The following WDR33 variants were observed in gnomAD, a reference collection of about 807,000 sequenced individuals.
WDR33 encodes WD repeat domain 33.
Under a neutral mutation model 164.9 loss-of-function variants are expected in WDR33, and 47 were observed. The observed-to-expected ratio is 0.29, with a 90% CI of 0.23 to 0.36. The LOEUF (loss-of-function observed/expected upper bound fraction) is 0.36. Among genes scored for constraint, WDR33 ranks in the 10% least tolerant of loss-of-function variants. The probability of loss-of-function intolerance (pLI) is 1.00; values close to 1 mark genes in which losing one functional copy is unlikely to be tolerated. For missense variants in WDR33, 1,137 were observed against 1,754.1 expected, an observed-to-expected ratio of 0.65 and a Z score of 6.28; for synonymous variants, 505 against 589.0, an observed-to-expected ratio of 0.86 and a Z score of 2.06.
chr2:127,808,535 T>G (rs1028567095), intron 1 of WDR33, among the ~76,000 whole-genome samples: 1 of 152,214 alleles, frequency 6.6e-6, no homozygotes, highest in South Asian at 2.1e-4. Flanking sequence ...TCCAATACAC[T>G]GAAGAGCTTC....
chr2:127,739,519 TTG>T (rs557232533), intron 7 of WDR33, among the ~76,000 whole-genome samples: 110 of 152,344 alleles, frequency 7.2e-4, no homozygotes, highest in African/African-American at 2.5e-3. Flanking sequence ...AGTAAACTGG[TTG>T]TGTTTAAATC....
rs556407835 is a variant in WDR33, at chr2:127,710,830, A to G, written c.3309-974T>C. ...GCCTTTATCCTAATCTTCTACTTGG[A>G]AGATTTTCAAACTTACAGTAAAGCT... is the stretch of plus-strand genomic sequence containing the variant. On this transcript the variant is annotated intron_variant, in intron 18 of 21. Coordinates refer to ENST00000322313, the MANE Select transcript of WDR33 (RefSeq NM_018383.5). The surrounding 1 kb of genome is among the most constrained non-coding windows in gnomAD (Gnocchi z 4.4). Among the ~76,000 whole-genome samples the G allele has an allele frequency of 1.3e-5, 2 of 152,310 alleles. No individual in the cohort carries two copies. Among genetic ancestry groups the G allele is most frequent in the Non-Finnish European group, 2.9e-5 (2 of 68,018 alleles).
intron 1 of WDR33, among the ~76,000 whole-genome samples, chr2:127,771,655 G>A (rs1002978903): frequency 1.1e-4 from 17 of 152,140 alleles, no homozygotes; most frequent in African/African-American, 3.6e-4. Context: ...GCATGCACCT[G>A]TAGTCCTAGC....
intron 1 of WDR33, among the ~76,000 whole-genome samples, chr2:127,800,402 C>T (rs13391149): frequency 6.6e-6 from 1 of 151,928 alleles, no homozygotes; most frequent in Admixed American, 6.6e-5. Context: ...TGGGAGGCCG[C>T]GGCAGGCGGA....
At position 127,706,408 on chromosome 2, in the gene WDR33, C is replaced by A; in HGVS notation, c.3926G>T (p.Ser1309Ile). The A allele has an allele frequency of 6.2e-7, 1 of 1,613,830 alleles. No homozygotes were observed. The highest frequency in any genetic ancestry group is 1.7e-5 in the Admixed American group (1 of 59,976). ...ACTCCCTCTACCCCAGTTACTGCCA[C>A]TCCGGCCCCCTCGAGAAGGGGTGCC... ...GSGTPSRGGR[S>I]GSNWGRGSNM... The change falls in exon 22 of 22, where the codon AGT (serine) becomes ATT (isoleucine). Residue 1309 changes from serine to isoleucine, a missense_variant. Around this residue, in one of 9 missense-constraint regions of WDR33, gnomAD observed 867 missense variants for 1,073.0 expected, o/e 0.81. Transcript: ENST00000322313. The surrounding 1 kb of genome is among the most constrained non-coding windows in gnomAD (Gnocchi z 5.1).
chr2:127,715,992 G>A (rs919263406), intron 17 of WDR33, among the ~76,000 whole-genome samples: 2 of 152,126 alleles, frequency 1.3e-5, no homozygotes, highest in Admixed American at 1.3e-4. Context: ...GGAAGGAGGT[G>A]GAGACAGACA....
chr2:127,711,601 G>T (rs935816839), intron 18 of WDR33, among the ~76,000 whole-genome samples: 3 of 149,800 alleles, frequency 2.0e-5, no homozygotes, highest in African/African-American at 7.4e-5. Context: ...GAGCCCTTAC[G>T]TCTTTATTTT....
chr2:127,803,952 A>C (rs1454818257), intron 1 of WDR33, among the ~76,000 whole-genome samples: 1 of 151,126 alleles, frequency 6.6e-6, no homozygotes, highest in African/African-American at 2.4e-5. Context: ...AGTCTCAAAA[A>C]AAAAAAAAAA....
intron 1 of WDR33, among the ~76,000 whole-genome samples, chr2:127,783,914 CTTATTCTT>C (rs1419665542): frequency 1.3e-5 from 2 of 151,270 alleles, no homozygotes; most frequent in African/African-American, 4.9e-5. Flanking sequence ...CCAGCACTTC[CTTATTCTT>C]TTAAACACTG....
In WDR33 at chr2:127,722,562, G is replaced by T; in HGVS notation, c.1518+29C>A. On this transcript the variant is annotated intron_variant, in intron 14 of 21. Transcript: ENST00000322313. This position sits in a 1 kb window ranked among gnomAD's most constrained non-coding sequence, Gnocchi z 5.1. ...AACTAACCAACCAAAACCTCTCTGCGTGGATGAGGTGGAGTCACTTTTACT... is the reference window on the plus strand; with the variant it reads ...AACTAACCAACCAAAACCTCTCTGCTTGGATGAGGTGGAGTCACTTTTACT... 6.2e-7 allele frequency: 1 copy of T among 1,607,096 alleles called. No individual in the cohort carries two copies. The highest frequency in any genetic ancestry group is 8.5e-7 in the Non-Finnish European group (1 of 1,177,328).
intron 7 of WDR33, chr2:127,737,957 CAGA>C: frequency 6.2e-7 from 1 of 1,603,564 alleles, no homozygotes; most frequent in Non-Finnish European, 8.5e-7. Flanking sequence ...GGTATATTCA[CAGA>C]AGTTGGTAAA....
chr2:127,752,048 T>C (rs547896047), intron 7 of WDR33, among the ~76,000 whole-genome samples: 2 of 152,340 alleles, frequency 1.3e-5, no homozygotes, highest in East Asian at 1.9e-4. Flanking sequence ...TAGATTTCTA[T>C]ATTTGAATCT....
At chr2:127,799,973 TAAG>T (rs1558963890) in intron 1 of WDR33, among the ~76,000 whole-genome samples, 1 of 152,016 alleles carries the variant, frequency 6.6e-6, no homozygotes, top group African/African-American at 2.4e-5. Flanking sequence ...AGAGGGAAAA[TAAG>T]AAGTGTTAGT....
chr2:127,715,212 C>A (rs139809854), intron 17 of WDR33, among the ~76,000 whole-genome samples: 3,871 of 151,646 alleles, frequency 0.026, 163 homozygotes, highest in South Asian at 0.17. Context: ...CTGCTTCAGC[C>A]TCCTGAGTAG....
chr2:127,788,018 G>C (rs1272955268), intron 1 of WDR33, among the ~76,000 whole-genome samples: 5 of 83,000 alleles, frequency 6.0e-5, no homozygotes, highest in Admixed American at 3.0e-4. Context: ...CGGGCGGGGG[G>C]GCTGACACCC....
rs1436080491 is a variant in WDR33 at position 127,703,312 on chromosome 2, TCC to T, written c.*3009_*3010del. The T allele has an allele frequency of 6.0e-6, 1 of 167,052 alleles. No individual in the cohort carries two copies. Among genetic ancestry groups the T allele is most frequent in the Non-Finnish European group, 1.5e-5 (1 of 68,110 alleles). The allele number at this position is 167,052 out of a possible 1,614,324, so 10.3% of individuals were successfully genotyped here. On this transcript the variant is annotated 3_prime_UTR_variant, in exon 22 of 22. Transcript: ENST00000322313. ...CCAGACATCAGGACCTTTTTAAAGC[TCC>T]CCAAGTGATTCTACGTTCCCCAAGT... is the stretch of plus-strand genomic sequence containing the variant.
chr2:127,804,359 T>A (rs960988416), intron 1 of WDR33, among the ~76,000 whole-genome samples: 1 of 152,048 alleles, frequency 6.6e-6, no homozygotes, highest in African/African-American at 2.4e-5. Flanking sequence ...GATACTGGAT[T>A]AGAGAAAGAA....
intron 18 of WDR33, among the ~76,000 whole-genome samples, chr2:127,711,811 C>A (rs1420428738): frequency 1.6e-5 from 2 of 121,226 alleles, no homozygotes; most frequent in Non-Finnish European, 3.3e-5. Context: ...CTCGCCCTGT[C>A]ACCCAGGCTG....
intron 1 of WDR33, among the ~76,000 whole-genome samples, chr2:127,780,400 T>C (rs765752080): frequency 6.6e-6 from 1 of 152,162 alleles, no homozygotes; most frequent in African/African-American, 2.4e-5. Context: ...CAATCTGTCA[T>C]TGAACTTTGA....
Sources: allele counts gnomAD v4.1 joint callset (sites outside exome capture counted in the v4.1 genomes callset), GRCh38; gene constraint gnomAD v4.1.1; regional missense constraint gnomAD v4.1.1; non-coding constraint Gnocchi (gnomAD v3.1); transcripts MANE v1.5; gene names NCBI Gene and HGNC (gene_info 2026-07-23, HGNC 2026-07-21).